The following VAV1 variants were observed in gnomAD, a reference collection of about 807,000 sequenced individuals.
VAV1 encodes vav guanine nucleotide exchange factor 1, also known as proto-oncogene vav.
VAV1 carries 33 observed loss-of-function variants against 128.1 expected under a neutral mutation model. That is an observed-to-expected ratio of 0.26 (90% CI 0.20 to 0.34). The LOEUF is 0.34. Among genes scored for constraint, VAV1 ranks in the 10% least tolerant of loss-of-function variants. The pLI, the probability that VAV1 is intolerant of heterozygous loss-of-function variation, is 1.00. For missense variants in VAV1, 715 were observed against 1,093.7 expected, an observed-to-expected ratio of 0.65 and a Z score of 4.88; for synonymous variants, 394 against 409.8, an observed-to-expected ratio of 0.96 and a Z score of 0.47.
intron 1 of VAV1, among the ~76,000 whole-genome samples, chr19:6,784,952 C>T (rs541233788): frequency 1.3e-5 from 2 of 152,294 alleles, no homozygotes; most frequent in Admixed American, 1.3e-4. Flanking sequence ...AAAATCCTCA[C>T]TGTAGCCCAC....
chr19:6,841,936 G>A (rs1421786739), intron 21 of VAV1, among the ~76,000 whole-genome samples: 2 of 152,034 alleles, frequency 1.3e-5, no homozygotes, highest in Admixed American at 1.3e-4. Context: ...GTGAAAGTGA[G>A]CACTTTCGGC....
Position 6,833,357 on chromosome 19 carries a change from T to C in VAV1, c.1610+72T>C, listed in dbSNP as rs1972135697. On this transcript the variant is annotated intron_variant, in intron 16 of 26. Coordinates refer to ENST00000602142, the MANE Select transcript of VAV1 (RefSeq NM_005428.4). ...TTCCTTGCTAGAGAAGATGGCCTAG[T>C]AATTGGTTCCCTAAATTGGGAGATG... 3 of 1,489,986 alleles carry C rather than the reference T, an allele frequency of 2.0e-6. No individual in the cohort carries two copies. In the African/African-American group the frequency reaches 4.2e-5, roughly 21 times the overall value. 92.3% of individuals were successfully genotyped at this position (1,489,986 alleles called of 1,614,324 possible). A position where few individuals can be genotyped will look rare whatever the true frequency, so the allele number is the denominator to read the frequency against.
At chr19:6,811,124 C>G (rs1335736409) in intron 1 of VAV1, among the ~76,000 whole-genome samples, 1 of 152,176 alleles carries the variant, frequency 6.6e-6, no homozygotes, top group African/African-American at 2.4e-5. Context: ...CAGCCTCCGC[C>G]TTCCAGGTTC....
In VAV1 at chr19:6,826,103, C is replaced by T. The variant is rs1285156112; in HGVS notation, c.828-509C>T. 3.3e-5 allele frequency among the ~76,000 whole-genome samples: 5 copies of T among 151,576 alleles called. No homozygotes were observed. The highest frequency in any genetic ancestry group is 7.4e-5 in the Non-Finnish European group (5 of 67,898). Reference sequence around the variant, plus strand: ...CTGTAATTCCAGCACTTTGGGAGGCCGAGGAGGGCAGATCACTTGAGGTCA... The same window carrying T: ...CTGTAATTCCAGCACTTTGGGAGGCTGAGGAGGGCAGATCACTTGAGGTCA... On this transcript the variant is annotated intron_variant, in intron 8 of 26. Transcript: ENST00000602142. This position sits in a 1 kb window ranked among gnomAD's most constrained non-coding sequence, Gnocchi z 4.1.
chr19:6,829,687 A>G, intron 13 of VAV1, 99 bp from the exon 14 acceptor site: 1 of 1,556,038 alleles, frequency 6.4e-7, no homozygotes, highest in Non-Finnish European at 8.7e-7. Flanking sequence ...AAGGAGGAGG[A>G]GAAGGGCAGG....
At chr19:6,774,318 A>G (rs11670298) in intron 1 of VAV1, among the ~76,000 whole-genome samples, 75,767 of 149,300 alleles carry the variant, frequency 0.51, 20,640 homozygotes, top group African/African-American at 0.73. Flanking sequence ...TAGTAGAGAC[A>G]GGGGTTTCAC....
At chr19:6,782,642 G>T (rs916135274) in intron 1 of VAV1, among the ~76,000 whole-genome samples, 2 of 152,200 alleles carry the variant, frequency 1.3e-5, no homozygotes, top group Non-Finnish European at 2.9e-5. Flanking sequence ...ACTTTGGGAA[G>T]CCAAGGCAAG....
At chr19:6,796,608 C>T (rs1406170664) in intron 1 of VAV1, among the ~76,000 whole-genome samples, 1 of 152,198 alleles carries the variant, frequency 6.6e-6, no homozygotes, top group Non-Finnish European at 1.5e-5. Flanking sequence ...ATTCCCTCTG[C>T]CTGAAATGCT....
At chr19:6,825,442 C>G in intron 8 of VAV1, 36 bp downstream of exon 8, 1 of 1,572,312 alleles carries the variant, frequency 6.4e-7, no homozygotes, top group Non-Finnish European at 8.7e-7. Flanking sequence ...GCTCTGGGGT[C>G]ACTCTGTCTT....
At chr19:6,795,466 T>C (rs1346758826) in intron 1 of VAV1, among the ~76,000 whole-genome samples, 1 of 149,464 alleles carries the variant, frequency 6.7e-6, no homozygotes, top group Non-Finnish European at 1.5e-5. Flanking sequence ...AGGGCGTAGT[T>C]CTTTTATTTA....
At position 6,826,619 on chromosome 19, in the gene VAV1, G is replaced by C; in HGVS notation, c.835G>C (p.Val279Leu). 1 of 1,553,824 alleles carries C rather than the reference G, an allele frequency of 6.4e-7. No individual in the cohort carries two copies. The highest frequency in any genetic ancestry group is 8.7e-7 in the Non-Finnish European group (1 of 1,148,888). Residue 279 changes from valine to leucine, a missense_variant, in exon 9 of 27, where the codon GTC (valine) becomes CTC (leucine). Transcript: ENST00000602142. The surrounding 1 kb of genome is among the most constrained non-coding windows in gnomAD (Gnocchi z 4.1). Reference protein sequence around the residue: ...VFIKYKERFLVYGRYCSQVES... With the variant: ...VFIKYKERFLLYGRYCSQVES... ...CCTGTCTTCTCCCTGTAGGTTCCTC[G>C]TCTATGGCCGCTACTGCAGCCAGGT...
At chr19:6,840,936 C>T (rs767017444) in intron 21 of VAV1, among the ~76,000 whole-genome samples, 4 of 152,026 alleles carry the variant, frequency 2.6e-5, no homozygotes, top group Non-Finnish European at 5.9e-5. Flanking sequence ...CACCACCACA[C>T]CAAGCTAATT....
At chr19:6,856,954 G>T in intron 26 of VAV1, 100 bp from the exon 27 acceptor site, 1 of 1,012,550 alleles carries the variant, frequency 9.9e-7, no homozygotes, top group Non-Finnish European at 1.6e-6. Context: ...GGAAGAGCAG[G>T]TGCAAAGGCC....
chr19:6,813,719 A>C (rs1462679489), intron 1 of VAV1, among the ~76,000 whole-genome samples: 1 of 152,048 alleles, frequency 6.6e-6, no homozygotes, highest in African/African-American at 2.4e-5. Context: ...AATTGGATTA[A>C]ATCTATAGCT....
intron 21 of VAV1, among the ~76,000 whole-genome samples, chr19:6,837,532 A>ACACCC (rs1289123202): frequency 6.6e-6 from 1 of 151,812 alleles, no homozygotes; most frequent in Non-Finnish European, 1.5e-5. Flanking sequence ...CCAACCTCAG[A>ACACCC]CACCCCCTAC....
At chr19:6,819,405 TC>T (rs1971734123) in intron 1 of VAV1, among the ~76,000 whole-genome samples, 1 of 152,250 alleles carries the variant, frequency 6.6e-6, no homozygotes, top group African/African-American at 2.4e-5. Context: ...GACACCTTGA[TC>T]TTGGACTTCT....
At chr19:6,781,307 G>A (rs189161350) in intron 1 of VAV1, among the ~76,000 whole-genome samples, 3 of 152,216 alleles carry the variant, frequency 2.0e-5, no homozygotes, top group East Asian at 1.9e-4. Flanking sequence ...ATTGTTATCC[G>A]TCTGGGATTG....
chr19:6,810,175 T>A (rs1326147157), intron 1 of VAV1, among the ~76,000 whole-genome samples: 1 of 151,856 alleles, frequency 6.6e-6, no homozygotes, highest in Admixed American at 6.6e-5. Context: ...CAAGACCTCA[T>A]CTCTACAAAT....
chr19:6,809,150 A>T (rs113660385), intron 1 of VAV1, among the ~76,000 whole-genome samples: 4,525 of 148,516 alleles, frequency 0.03, 266 homozygotes, highest in African/African-American at 0.11. Context: ...ACTTGATCTT[A>T]GCTCACTGCA....
Sources: gnomAD v4.1 joint callset for allele counts (sites outside exome capture counted in the v4.1 genomes callset) on GRCh38, gnomAD v4.1.1 for gene constraint, Gnocchi (gnomAD v3.1) non-coding constraint, MANE v1.5 for transcripts, NCBI Gene and HGNC (gene_info 2026-07-23, HGNC 2026-07-21) for gene names.